The following OSBPL8 variants were observed in gnomAD, a reference collection of about 807,000 sequenced individuals.
The protein encoded by OSBPL8 is oxysterol-binding protein-related protein 8.
In OSBPL8, 59 loss-of-function variants were observed where a neutral mutation model predicts 125.5. The ratio of observed to expected loss-of-function variants is 0.47; its 90% CI spans 0.38 to 0.58. The LOEUF (loss-of-function observed/expected upper bound fraction) is 0.58, where lower values mean the gene tolerates loss of function less well. Among genes scored for constraint, OSBPL8 ranks in the 20% least tolerant of loss-of-function variants. OSBPL8 has a pLI of 0.00. For synonymous variants in OSBPL8, 330 were observed against 338.9 expected (o/e 0.97, Z 0.29); for missense variants, 758 against 1,047.8 (o/e 0.72, Z 3.82).
chr12:76,485,242 A>G (rs1008907083), intron 2 of OSBPL8, among the ~76,000 whole-genome samples: 3 of 151,848 alleles, frequency 2.0e-5, no homozygotes, highest in Non-Finnish European at 4.4e-5. Flanking sequence ...TTTTCAAACA[A>G]CTTTTAACTT....
intron 2 of OSBPL8, among the ~76,000 whole-genome samples, chr12:76,474,025 T>A (rs1876497883): frequency 6.6e-6 from 1 of 152,196 alleles, no homozygotes; most frequent in Non-Finnish European, 1.5e-5. Flanking sequence ...TCCTACTAAT[T>A]CCCCTAATGC....
At chr12:76,453,563 C>T (rs993953655) in intron 3 of OSBPL8, among the ~76,000 whole-genome samples, 3 of 152,040 alleles carry the variant, frequency 2.0e-5, no homozygotes, top group Non-Finnish European at 2.9e-5. Context: ...CTTCTTACCA[C>T]ACACAAAGAA....
At chr12:76,546,441 A>G (rs933591093) in intron 1 of OSBPL8, among the ~76,000 whole-genome samples, 1 of 152,168 alleles carries the variant, frequency 6.6e-6, no homozygotes, top group African/African-American at 2.4e-5. Context: ...ATCATTTCCC[A>G]AATAATCAAA....
At chr12:76,473,549 A>G (rs1876434225) in intron 2 of OSBPL8, among the ~76,000 whole-genome samples, 3 of 152,220 alleles carry the variant, frequency 2.0e-5, no homozygotes, top group Admixed American at 2.0e-4. Context: ...TGAGATTCTA[A>G]TTCAATTGAA....
At chr12:76,514,110 G>A (rs1881289698) in intron 1 of OSBPL8, among the ~76,000 whole-genome samples, 1 of 152,012 alleles carries the variant, frequency 6.6e-6, no homozygotes, top group Non-Finnish European at 1.5e-5. Context: ...AGGCAGGCCT[G>A]GTGGTTAACA....
intron 2 of OSBPL8, among the ~76,000 whole-genome samples, chr12:76,468,576 G>A (rs77582723): frequency 0.021 from 3,148 of 152,200 alleles, 115 homozygotes; most frequent in African/African-American, 0.071. Context: ...AGAGCTTTGC[G>A]CCATAGCAGA....
intron 2 of OSBPL8, among the ~76,000 whole-genome samples, chr12:76,482,644 C>A (rs938020025): frequency 1.4e-4 from 21 of 152,030 alleles, no homozygotes; most frequent in African/African-American, 5.1e-4. Context: ...GAGTGACTAT[C>A]CTTAAGTTGA....
chr12:76,551,223 C>A (rs1950927111), intron 1 of OSBPL8, among the ~76,000 whole-genome samples: 1 of 152,206 alleles, frequency 6.6e-6, no homozygotes, highest in Admixed American at 6.5e-5. Context: ...GGAAAAAGTT[C>A]TTTAATTAAG....
intron 1 of OSBPL8, among the ~76,000 whole-genome samples, chr12:76,541,939 A>G (rs546663865): frequency 1.3e-5 from 2 of 152,340 alleles, no homozygotes; most frequent in African/African-American, 4.8e-5. Flanking sequence ...TGGGAGGCCA[A>G]GGCGGGAGGA....
At chr12:76,490,203 T>C (rs1311576453) in intron 1 of OSBPL8, among the ~76,000 whole-genome samples, 3 of 152,170 alleles carry the variant, frequency 2.0e-5, no homozygotes, top group African/African-American at 7.2e-5. Context: ...ACTGCTGAAA[T>C]TGACAGGGAC....
chr12:76,554,276 ATAAAG>A (rs1458847283), intron 1 of OSBPL8, among the ~76,000 whole-genome samples: 4 of 152,230 alleles, frequency 2.6e-5, no homozygotes, highest in Admixed American at 6.5e-5. Flanking sequence ...CCATCTTCTT[ATAAAG>A]TAAAGTGCAT....
In OSBPL8 at chr12:76,386,152, C is replaced by T. The variant is rs367804697; in HGVS notation, c.1533+16G>A. 63 of 1,598,394 alleles carry T rather than the reference C, an allele frequency of 3.9e-5. No individual in the cohort carries two copies. Among genetic ancestry groups the T allele is most frequent in the Non-Finnish European group, 4.8e-5 (56 of 1,175,080 alleles). Reference sequence around the variant, plus strand: ...CTTCCAGATCAGTTTTGTTTCCATACATGCATTTCTAATACCTGTTCAGCA... The same window carrying T: ...CTTCCAGATCAGTTTTGTTTCCATATATGCATTTCTAATACCTGTTCAGCA... On this transcript the variant is annotated intron_variant, in intron 14 of 23. Transcript: ENST00000261183.
chr12:76,538,528 G>T (rs552355526), intron 1 of OSBPL8, among the ~76,000 whole-genome samples: 1 of 152,138 alleles, frequency 6.6e-6, no homozygotes. Flanking sequence ...TCAAACACCT[G>T]TAAGAATGAT....
At chr12:76,358,290 G>A (rs932273980) in intron 22 of OSBPL8, among the ~76,000 whole-genome samples, 1 of 147,162 alleles carries the variant, frequency 6.8e-6, no homozygotes, top group Non-Finnish European at 1.5e-5. Context: ...AGCAATTCTC[G>A]TGTCTCAGCC....
At chr12:76,529,398 GTA>G (rs1950271251) in intron 1 of OSBPL8, among the ~76,000 whole-genome samples, 1 of 152,028 alleles carries the variant, frequency 6.6e-6, no homozygotes, top group African/African-American at 2.4e-5. Context: ...AGCTTAGAAG[GTA>G]TGTCAGATTA....
chr12:76,407,320 T>C (rs1284670479), intron 5 of OSBPL8, among the ~76,000 whole-genome samples: 1 of 152,128 alleles, frequency 6.6e-6, no homozygotes, highest in Non-Finnish European at 1.5e-5. Flanking sequence ...GGCGCAAACA[T>C]GGCTCACTTT....
intron 1 of OSBPL8, among the ~76,000 whole-genome samples, chr12:76,509,321 G>A (rs569395547): frequency 1.3e-3 from 205 of 152,132 alleles, no homozygotes; most frequent in Admixed American, 2.2e-3. Context: ...ATTGCCTAAC[G>A]ATACATTTCT....
At chr12:76,554,151 C>T (rs955028135) in intron 1 of OSBPL8, among the ~76,000 whole-genome samples, 8 of 151,748 alleles carry the variant, frequency 5.3e-5, no homozygotes, top group African/African-American at 1.9e-4. Context: ...GAGAAAATGG[C>T]AACTGGATGA....
intron 1 of OSBPL8, among the ~76,000 whole-genome samples, chr12:76,496,292 C>G (rs748490060): frequency 3.9e-5 from 6 of 152,048 alleles, no homozygotes; most frequent in Non-Finnish European, 7.4e-5. Flanking sequence ...TTGACCCTTC[C>G]CCTTCTGTGC....
Sources: allele counts gnomAD v4.1 joint callset (sites outside exome capture counted in the v4.1 genomes callset), GRCh38; gene constraint gnomAD v4.1.1; transcripts MANE v1.5; gene names NCBI Gene and HGNC (gene_info 2026-07-23, HGNC 2026-07-21).